The following STK3 variants were observed in gnomAD, a reference collection of about 807,000 sequenced individuals.
STK3 encodes serine/threonine-protein kinase 3.
A neutral mutation model predicts 58.0 loss-of-function variants in STK3; 41 were observed. That is an observed-to-expected ratio of 0.71 (90% CI 0.55 to 0.92). The LOEUF (loss-of-function observed/expected upper bound fraction) is 0.92, where lower values mean the gene tolerates loss of function less well. STK3 is among the 40% of genes least tolerant of loss of function. The pLI is 0.00. For missense variants in STK3, 479 were observed against 602.7 expected (o/e 0.79, Z 2.15); for synonymous variants, 170 against 191.0 (o/e 0.89, Z 0.91).
intron 3 of STK3, among the ~76,000 whole-genome samples, chr8:98,421,392 T>C (rs1283390722): frequency 6.6e-6 from 1 of 152,192 alleles, no homozygotes; most frequent in African/African-American, 2.4e-5. Context: ...AGGGAGGTGG[T>C]TGCCCCTACC....
At chr8:98,538,046 A>G (rs1001006423) in intron 9 of STK3, among the ~76,000 whole-genome samples, 1 of 152,174 alleles carries the variant, frequency 6.6e-6, no homozygotes, top group Admixed American at 6.5e-5. Context: ...AAATAATTTA[A>G]TTTTTAACTT....
At chr8:98,837,610 T>C (rs1178974550) in intron 3 of STK3, among the ~76,000 whole-genome samples, 1 of 152,164 alleles carries the variant, frequency 6.6e-6, no homozygotes, top group East Asian at 1.9e-4. Flanking sequence ...AGCCCTTTCA[T>C]AGTGAGTCTT....
intron 1 of STK3, among the ~76,000 whole-genome samples, chr8:98,383,148 A>G (rs1179068033): frequency 6.6e-6 from 1 of 152,186 alleles, no homozygotes; most frequent in Non-Finnish European, 1.5e-5. Flanking sequence ...CTTAACAGCA[A>G]TAACTGCCAT....
intron 8 of STK3, among the ~76,000 whole-genome samples, chr8:98,579,252 A>G (rs1813660989): frequency 6.6e-6 from 1 of 152,222 alleles, no homozygotes. Context: ...AAAGGAATTA[A>G]TAGCTAGTTT....
intron 1 of STK3, among the ~76,000 whole-genome samples, chr8:98,807,608 C>T (rs2131660480): frequency 6.6e-6 from 1 of 152,106 alleles, no homozygotes; most frequent in African/African-American, 2.4e-5. Flanking sequence ...AGACTGAGTA[C>T]AAAAATTCCA....
At chr8:98,480,017 G>T (rs577694276) in intron 10 of STK3, among the ~76,000 whole-genome samples, 3 of 152,212 alleles carry the variant, frequency 2.0e-5, no homozygotes, top group Non-Finnish European at 4.4e-5. Flanking sequence ...TTGGAAAAAG[G>T]TCAGTGAAAA....
chr8:98,702,046 A>T (rs1202790520), intron 6 of STK3, among the ~76,000 whole-genome samples: 1 of 152,180 alleles, frequency 6.6e-6, no homozygotes, highest in Non-Finnish European at 1.5e-5. Flanking sequence ...TAAACAGATA[A>T]TCATTACTGT....
intron 4 of STK3, among the ~76,000 whole-genome samples, chr8:98,744,902 A>G (rs533371078): frequency 1.4e-5 from 2 of 146,464 alleles, no homozygotes; most frequent in Admixed American, 6.8e-5. Flanking sequence ...TTCCACACAG[A>G]AAAAAAAAAA....
intron 1 of STK3, among the ~76,000 whole-genome samples, chr8:98,794,216 C>T (rs1334123950): frequency 2.0e-5 from 3 of 151,706 alleles, no homozygotes; most frequent in Admixed American, 1.3e-4. Flanking sequence ...TACAAAGGAT[C>T]GATGAAACAA....
chr8:98,764,897 G>C lies in STK3; in HGVS notation c.236+2346C>G, dbSNP rs372344134. 2.8e-4 allele frequency among the ~76,000 whole-genome samples: 43 copies of C among 152,314 alleles called. No individual in the cohort carries two copies. The East Asian group carries it at 6.8e-3, about 24-fold the overall frequency. ...CCTTGTATGCCACTCTTAGGAGACT[G>C]GATTTCTCGAGGCAATGGGGAACCA... is the stretch of plus-strand genomic sequence containing the variant. On this transcript the variant is annotated intron_variant, in intron 3 of 10. Coordinates refer to ENST00000419617, the MANE Select transcript of STK3 (RefSeq NM_006281.4).
chr8:98,620,528 A>T (rs1481613664), intron 6 of STK3, among the ~76,000 whole-genome samples: 1 of 150,970 alleles, frequency 6.6e-6, no homozygotes, highest in African/African-American at 2.4e-5. Flanking sequence ...AAAAAAAAGA[A>T]GATGTCTCAA....
At chr8:98,378,972 A>G (rs554660130) in intron 2 of STK3, among the ~76,000 whole-genome samples, 9 of 152,272 alleles carry the variant, frequency 5.9e-5, no homozygotes, top group African/African-American at 2.2e-4. Flanking sequence ...TGGGGTGGGG[A>G]GGAAGCTAGG....
chr8:98,821,500 T>TA (rs538932582), intron 1 of STK3, among the ~76,000 whole-genome samples: 91 of 139,082 alleles, frequency 6.5e-4, no homozygotes, highest in East Asian at 3.7e-3. Flanking sequence ...CTCTACAAAT[T>TA]AAAAAAAAAA....
At chr8:98,909,610 G>T (rs1839055654) in intron 1 of STK3, among the ~76,000 whole-genome samples, 1 of 152,134 alleles carries the variant, frequency 6.6e-6, no homozygotes, top group Non-Finnish European at 1.5e-5. Context: ...CATATATTAT[G>T]TGGTCCTTTG....
At chr8:98,930,560 AT>A (rs1440383343) in intron 1 of STK3, among the ~76,000 whole-genome samples, 1 of 152,230 alleles carries the variant, frequency 6.6e-6, no homozygotes, top group Non-Finnish European at 1.5e-5. Context: ...GGAAACAATG[AT>A]TGTCTGTCCT....
chr8:98,917,513 C>T (rs1343179753), intron 1 of STK3, among the ~76,000 whole-genome samples: 5 of 152,072 alleles, frequency 3.3e-5, no homozygotes, highest in South Asian at 4.1e-4. Context: ...GAGGATGGAC[C>T]GCTTAAGAAC....
chr8:98,447,228 C>A (rs1001836202), intron 1 of STK3, among the ~76,000 whole-genome samples: 1 of 151,908 alleles, frequency 6.6e-6, no homozygotes, highest in African/African-American at 2.4e-5. Context: ...TCACATGTGT[C>A]CCCAAACCTA....
chr8:98,740,440 C>A (rs1230529572), intron 4 of STK3, among the ~76,000 whole-genome samples: 2 of 152,144 alleles, frequency 1.3e-5, no homozygotes, highest in Admixed American at 6.5e-5. Flanking sequence ...GGCCAATATT[C>A]AAGATTATTA....
intron 1 of STK3, chr8:98,782,565 G>T: frequency 3.3e-6 from 1 of 306,854 alleles, no homozygotes; most frequent in Non-Finnish European, 6.6e-6. Context: ...CATGAAGAGC[G>T]CCTCCAGGCC....
Sources: gnomAD v4.1 joint callset for allele counts (sites outside exome capture counted in the v4.1 genomes callset) on GRCh38, gnomAD v4.1.1 for gene constraint, MANE v1.5 for transcripts, NCBI Gene and HGNC (gene_info 2026-07-23, HGNC 2026-07-21) for gene names.